GSE1: variants seen among roughly 807,000 people sequenced by gnomAD.
The protein encoded by GSE1 is Gse1 coiled-coil protein.
A neutral mutation model predicts 112.6 loss-of-function variants in GSE1; 32 were observed. That is an observed-to-expected ratio of 0.28 (90% CI 0.21 to 0.38). The LOEUF (loss-of-function observed/expected upper bound fraction) is 0.38, where lower values mean the gene tolerates loss of function less well. Ranked by LOEUF, GSE1 falls within the 10% of genes least tolerant of loss-of-function variation. The probability of loss-of-function intolerance (pLI) is 1.00; values close to 1 mark genes in which losing one functional copy is unlikely to be tolerated. For missense variants in GSE1, 2,348 were observed against 1,699.2 expected (o/e 1.38, Z -6.71); for synonymous variants, 1,115 against 735.6 (o/e 1.52, Z -8.35).
chr16:85,599,101 A>G (rs1296756186), intron 1 of GSE1, among the ~76,000 whole-genome samples: 2 of 152,210 alleles, frequency 1.3e-5, no homozygotes, highest in African/African-American at 4.8e-5. Flanking sequence ...TGTTAAATGA[A>G]TAATGTTGAC....
intron 1 of GSE1, among the ~76,000 whole-genome samples, chr16:85,316,588 G>A (rs776169636): frequency 3.3e-5 from 5 of 152,214 alleles, no homozygotes; most frequent in South Asian, 2.1e-4. Flanking sequence ...TGGACTGCCC[G>A]TGGCCAGTAG....
chr16:85,555,310 C>G (rs896366174), upstream of GSE1: 28 of 985,240 alleles, frequency 2.8e-5, no homozygotes, highest in East Asian at 3.0e-3. Context: ...GGCGCCAGAG[C>G]CCCCGCGAGT....
chr16:85,345,485 G>C (rs975269644), intron 1 of GSE1, among the ~76,000 whole-genome samples: 3 of 152,102 alleles, frequency 2.0e-5, no homozygotes, highest in Non-Finnish European at 4.4e-5. Flanking sequence ...CCTTGTTCCA[G>C]GAACACTCTT....
chr16:85,420,063 G>GA lies in GSE1; in HGVS notation c.2464+62420_2464+62421insA, dbSNP rs1359033114. 2.6e-4 allele frequency among the ~76,000 whole-genome samples: 40 copies of GA among 152,158 alleles called. No homozygotes were observed. In the East Asian group the frequency reaches 5.2e-3, roughly 20 times the overall value. The stretch of plus-strand genomic sequence containing the variant: ...TCCCTGCCCTAAAGTGTCTAGAGGG[G>GA]TCTGACGGGTGCCCTGGCAGACACT... On this transcript the variant is annotated intron_variant, in intron 2 of 2. Transcript: ENST00000637419.
intron 1 of GSE1, among the ~76,000 whole-genome samples, chr16:85,349,706 C>T (rs1334442662): frequency 2.6e-5 from 4 of 152,170 alleles, no homozygotes; most frequent in South Asian, 2.1e-4. Context: ...GAGGAGGCGA[C>T]GCCGTGTTCT....
At chr16:85,397,632 GC>G (rs1199717179) in intron 2 of GSE1, among the ~76,000 whole-genome samples, 2 of 152,194 alleles carry the variant, frequency 1.3e-5, no homozygotes, top group African/African-American at 4.8e-5. Context: ...TCAGCCTGGG[GC>G]CTCCCCGGAG....
chr16:85,489,808 A>T (rs1237581102), intron 2 of GSE1: 1 of 152,310 alleles, frequency 6.6e-6, no homozygotes. Context: ...ATGAGGTCAC[A>T]TGGGACTAGG....
Position 85,633,941 on chromosome 16 carries a change from C to G in GSE1, c.35C>G (p.Ser12Trp). Residue 12 changes from serine (S) to tryptophan (W), a missense_variant, in exon 2 of 16, where the codon TCG becomes TGG. By Grantham distance (177) the Ser-to-Trp change is radical (BLOSUM62 -3). Transcript: ENST00000253458. ...ATGAGCCATGAGCCCAAGTCCCCTT[C>G]GCTAGGGATGCTTTCCACCGCGACC... ...KGMSHEPKSP[S>W]LGMLSTATRT... is the part of the protein sequence containing the mutation. The G allele has an allele frequency of 6.2e-7, 1 of 1,612,262 alleles. No individual in the cohort carries two copies. The highest frequency in any genetic ancestry group is 8.5e-7 in the Non-Finnish European group (1 of 1,179,426).
At chr16:85,392,596 A>G (rs2047867729) in intron 2 of GSE1, among the ~76,000 whole-genome samples, 1 of 152,230 alleles carries the variant, frequency 6.6e-6, no homozygotes, top group Non-Finnish European at 1.5e-5. Flanking sequence ...AAGCTGTTAT[A>G]TTGAAAAAGT....
chr16:85,364,314 C>T (rs1347001773), intron 2 of GSE1, among the ~76,000 whole-genome samples: 3 of 152,206 alleles, frequency 2.0e-5, no homozygotes, highest in African/African-American at 7.2e-5. Context: ...TAGAAGGCCC[C>T]TGTGACTGCA....
chr16:85,664,249 C>T (rs951537051), intron 11 of GSE1, among the ~76,000 whole-genome samples: 1 of 152,264 alleles, frequency 6.6e-6, no homozygotes, highest in African/African-American at 2.4e-5. Flanking sequence ...GTTCCTGGCC[C>T]TGCCCCTTAC....
At chr16:85,264,869 C>T (rs1189340242) in intron 1 of GSE1, among the ~76,000 whole-genome samples, 5 of 152,136 alleles carry the variant, frequency 3.3e-5, no homozygotes, top group East Asian at 3.9e-4. Flanking sequence ...GGAGATCAGA[C>T]GCCCTGGGTC....
intron 2 of GSE1, among the ~76,000 whole-genome samples, chr16:85,485,957 C>T (rs1017995612): frequency 1.3e-5 from 2 of 152,218 alleles, no homozygotes; most frequent in African/African-American, 2.4e-5. Context: ...CTGCACTGGC[C>T]GCTGCCTCTC....
chr16:85,280,077 C>T (rs1032679149), intron 1 of GSE1, among the ~76,000 whole-genome samples: 33 of 152,196 alleles, frequency 2.2e-4, no homozygotes, highest in African/African-American at 6.8e-4. Context: ...GTTGGCAACA[C>T]GCCCAGCGCT....
At position 85,464,234 on chromosome 16, in the gene GSE1, G is replaced by A. The variant is rs565962505; in HGVS notation, c.2464+106591G>A. On this transcript the variant is annotated intron_variant, in intron 2 of 2. Transcript: ENST00000637419. ...GGGAGAAAGAGTCATTTGTGGAGAG[G>A]TCGCGAACGGTTGATGATTATAGTC... Among the ~76,000 whole-genome samples, 37 of 152,176 alleles carry A rather than the reference G, an allele frequency of 2.4e-4. No individual in the cohort carries two copies. The South Asian group carries it at 7.5e-3, about 31-fold the overall frequency.
chr16:85,613,667 G>A (rs2048154953), intron 1 of GSE1, among the ~76,000 whole-genome samples: 2 of 151,686 alleles, frequency 1.3e-5, no homozygotes, highest in Admixed American at 1.3e-4. Context: ...GGGGGATGGG[G>A]GGGGTGCGTT....
intron 13 of GSE1, among the ~76,000 whole-genome samples, chr16:85,667,009 G>A (rs1453891551): frequency 6.6e-6 from 1 of 152,252 alleles, no homozygotes; most frequent in Non-Finnish European, 1.5e-5. Flanking sequence ...CTAGAGGTGT[G>A]CATAGGTGAT....
chr16:85,476,486 A>C (rs2050459541), intron 2 of GSE1, among the ~76,000 whole-genome samples: 2 of 152,152 alleles, frequency 1.3e-5, no homozygotes, highest in Non-Finnish European at 2.9e-5. Flanking sequence ...TCATGGCTTC[A>C]TGGCGGTTGC....
chr16:85,206,907 G>T (rs1280792132), intron 1 of GSE1, among the ~76,000 whole-genome samples: 1 of 144,412 alleles, frequency 6.9e-6, no homozygotes, highest in Non-Finnish European at 1.5e-5. Flanking sequence ...CTAATTCCCA[G>T]CCCAGAGGGG....
Sources: gnomAD v4.1 joint callset for allele counts (sites outside exome capture counted in the v4.1 genomes callset) on GRCh38, gnomAD v4.1.1 for gene constraint, MANE v1.5 for transcripts, NCBI Gene and HGNC (gene_info 2026-07-23, HGNC 2026-07-21) for gene names.